The following HDLBP variants were observed in gnomAD, a reference collection of about 807,000 sequenced individuals.
The protein encoded by HDLBP is vigilin.
HDLBP carries 30 observed loss-of-function variants against 137.3 expected under a neutral mutation model. The observed-to-expected ratio is 0.22, with a 90% confidence interval of 0.16 to 0.30. The LOEUF is 0.30. Ranked by LOEUF, HDLBP falls within the 10% of genes least tolerant of loss-of-function variation. The pLI is 1.00. For missense variants in HDLBP, 1,119 were observed against 1,667.3 expected (o/e 0.67, Z 5.73); for synonymous variants, 606 against 596.0 (o/e 1.02, Z -0.24).
At chr2:241,287,239 T>C (rs2074849865) in intron 1 of HDLBP, among the ~76,000 whole-genome samples, 1 of 151,764 alleles carries the variant, frequency 6.6e-6, no homozygotes, top group African/African-American at 2.4e-5. Context: ...GCCTCCCGAG[T>C]AGCTGGGACT....
At chr2:241,293,468 C>G (rs916730088) in intron 1 of HDLBP, among the ~76,000 whole-genome samples, 3 of 152,012 alleles carry the variant, frequency 2.0e-5, no homozygotes, top group African/African-American at 7.2e-5. Context: ...ACTGCACTCC[C>G]AGCCTGGGTG....
intron 20 of HDLBP, among the ~76,000 whole-genome samples, chr2:241,237,968 T>C (rs1306846275): frequency 2.0e-5 from 3 of 152,220 alleles, no homozygotes; most frequent in Non-Finnish European, 2.9e-5. Flanking sequence ...GATGACACTA[T>C]GTGCACTCAG....
chr2:241,288,585 G>C (rs1159621043), intron 1 of HDLBP, among the ~76,000 whole-genome samples: 1 of 152,160 alleles, frequency 6.6e-6, no homozygotes, highest in Non-Finnish European at 1.5e-5. Flanking sequence ...TCCATCTTAA[G>C]TTTCTTTGAC....
At chr2:241,273,648 C>T (rs1443249663) in intron 1 of HDLBP, 2 of 985,154 alleles carry the variant, frequency 2.0e-6, no homozygotes, top group African/African-American at 3.5e-5. Flanking sequence ...AGTCGCAGGT[C>T]AACAGAATCC....
chr2:241,285,353 A>G (rs2074764270), intron 1 of HDLBP, among the ~76,000 whole-genome samples: 1 of 152,216 alleles, frequency 6.6e-6, no homozygotes, highest in African/African-American at 2.4e-5. Flanking sequence ...TGTGCACTGT[A>G]GCATTTTTGT....
intron 11 of HDLBP, among the ~76,000 whole-genome samples, chr2:241,252,151 C>T (rs777413815): frequency 6.6e-6 from 1 of 152,184 alleles, no homozygotes; most frequent in Non-Finnish European, 1.5e-5. Flanking sequence ...GCTACACCTA[C>T]AACCTGGCAC....
At chr2:241,241,812 GAATCACAGACC>G (rs1258162958) in intron 17 of HDLBP, among the ~76,000 whole-genome samples, 4 of 152,018 alleles carry the variant, frequency 2.6e-5, no homozygotes, top group African/African-American at 9.7e-5. Context: ...CACCAATAAA[GAATCACAGACC>G]TAAAAAAAAT....
At chr2:241,279,754 C>T (rs529529974) in intron 1 of HDLBP, among the ~76,000 whole-genome samples, 3 of 152,338 alleles carry the variant, frequency 2.0e-5, no homozygotes, top group African/African-American at 7.2e-5. Flanking sequence ...CGAACGATCC[C>T]ACTTCTGGAG....
chr2:241,233,529 C>G lies in HDLBP; in HGVS notation c.3288+291G>C, dbSNP rs182010699. 2.5e-3 allele frequency among the ~76,000 whole-genome samples: 382 copies of G among 152,252 alleles called. 1 individual carries two copies. The highest frequency in any genetic ancestry group is 8.7e-3 in the African/African-American group (361 of 41,544). ...CGGGTGACAGGTGAATGAGCTACACCTGGAGGCGCCACTGATCAAGGACCC... is the reference window on the plus strand; with the variant it reads ...CGGGTGACAGGTGAATGAGCTACACGTGGAGGCGCCACTGATCAAGGACCC... On this transcript the variant is annotated intron_variant, in intron 24 of 27. Coordinates refer to ENST00000310931, the MANE Select transcript of HDLBP (RefSeq NM_005336.6). The surrounding 1 kb of genome is among the most constrained non-coding windows in gnomAD (Gnocchi z 4.3).
chr2:241,308,358 T>G (rs2075648559), intron 1 of HDLBP, among the ~76,000 whole-genome samples: 1 of 152,162 alleles, frequency 6.6e-6, no homozygotes, highest in East Asian at 1.9e-4. Context: ...AATTATAAAT[T>G]TAAGTGAAAC....
In HDLBP at chr2:241,256,316, C is replaced by G. The variant is rs148554464; in HGVS notation, c.741G>C (p.Glu247Asp). Residue 247 changes from glutamate (E) to aspartate (D), a missense_variant, in exon 7 of 28, where the codon GAG becomes GAC. Transcript: ENST00000310931. ...IAGPYNRLVG[E>D]IMQETGTRIN... ...TGCGCGTGCCTGTCTCCTGCATGATCTCGCCAACCAGTCTATTATACGGCC... is the reference window on the plus strand; with the variant it reads ...TGCGCGTGCCTGTCTCCTGCATGATGTCGCCAACCAGTCTATTATACGGCC... 139 of 1,614,156 alleles carry G rather than the reference C, an allele frequency of 8.6e-5. No homozygotes were observed. The African/African-American group carries it at 1.5e-3, about 18-fold the overall frequency.
chr2:241,298,706 G>A (rs1377653693), intron 1 of HDLBP, among the ~76,000 whole-genome samples: 1 of 152,160 alleles, frequency 6.6e-6, no homozygotes, highest in Non-Finnish European at 1.5e-5. Context: ...CCACTAAGGG[G>A]ACTAACTGAA....
At chr2:241,283,395 A>G (rs1196654901) in intron 1 of HDLBP, among the ~76,000 whole-genome samples, 1 of 152,222 alleles carries the variant, frequency 6.6e-6, no homozygotes, top group East Asian at 1.9e-4. Context: ...TAGCTGCACT[A>G]AACAGATTTT....
chr2:241,251,912 C>T lies in HDLBP; in HGVS notation c.1372+1045G>A, dbSNP rs1011273881. On this transcript the variant is annotated intron_variant, in intron 11 of 27. Coordinates refer to ENST00000310931, the MANE Select transcript of HDLBP (RefSeq NM_005336.6). ...GAATCGCTTGAACCTGGGAGGTGGA[C>T]GTTGCAGTGAACTGAGATCACGCCA... Among the ~76,000 whole-genome samples the T allele has an allele frequency of 3.3e-5, 5 of 151,944 alleles. No homozygotes were observed. In the South Asian group the frequency reaches 8.3e-4, roughly 25 times the overall value.
chr2:241,237,105 A>G (rs1467008785), intron 20 of HDLBP, among the ~76,000 whole-genome samples: 1 of 152,026 alleles, frequency 6.6e-6, no homozygotes, highest in African/African-American at 2.4e-5. Context: ...AGATCAGATG[A>G]GTTAGTTCAT....
intron 12 of HDLBP, 42 bp from the exon 13 acceptor site, chr2:241,248,390 G>T (rs376592678): frequency 1.4e-6 from 2 of 1,471,902 alleles, no homozygotes; most frequent in South Asian, 1.1e-5. Flanking sequence ...TCACAAGCAC[G>T]GCGAGCAACT....
At chr2:241,299,017 A>C (rs1209506464) in intron 1 of HDLBP, among the ~76,000 whole-genome samples, 1 of 152,160 alleles carries the variant, frequency 6.6e-6, no homozygotes, top group Non-Finnish European at 1.5e-5. Context: ...TGATTTCCTG[A>C]CTTTGATGGC....
At position 241,246,801 on chromosome 2, in the gene HDLBP, G is replaced by C; in HGVS notation, c.1901C>G (p.Ala634Gly). The C allele has an allele frequency of 6.2e-7, 1 of 1,614,152 alleles. No individual in the cohort carries two copies. The highest frequency in any genetic ancestry group is 8.5e-7 in the Non-Finnish European group (1 of 1,179,990). Residue 634 changes from alanine (A) to glycine (G), a missense_variant, in exon 16 of 28, where the codon GCC (alanine) becomes GGC (glycine). Transcript: ENST00000310931. ...CCTGCTCCGGGCAGCTTCGCAGTTG[G>C]CTCGCTTGCCTGTGATGATAATGGT... ...SETIIITGKR[A>G]NCEAARSRIL...
intron 14 of HDLBP, chr2:241,247,398 G>C (rs1407153130): frequency 2.0e-6 from 1 of 494,388 alleles, no homozygotes; most frequent in Non-Finnish European, 3.7e-6. Flanking sequence ...ATCAGAGCTG[G>C]TTAAGGAAGG....
Sources: allele counts gnomAD v4.1 joint callset (sites outside exome capture counted in the v4.1 genomes callset), GRCh38; gene constraint gnomAD v4.1.1; non-coding constraint Gnocchi (gnomAD v3.1); transcripts MANE v1.5; gene names NCBI Gene and HGNC (gene_info 2026-07-23, HGNC 2026-07-21).